The following FBXO11 variants were observed in gnomAD, a reference collection of about 807,000 sequenced individuals.
FBXO11 encodes F-box only protein 11.
FBXO11 carries 13 observed loss-of-function variants against 117.0 expected under a neutral mutation model. The ratio of observed to expected loss-of-function variants is 0.11; its 90% confidence interval spans 0.07 to 0.18. The LOEUF (loss-of-function observed/expected upper bound fraction) is 0.18. Ranked by LOEUF, FBXO11 falls within the 10% of genes least tolerant of loss-of-function variation. The pLI is 1.00. For synonymous variants in FBXO11, 490 were observed against 380.5 expected (o/e 1.29, Z -3.35); for missense variants, 767 against 1,164.4 (o/e 0.66, Z 4.97).
chr2:47,860,410 ATT>A (rs777150310), intron 1 of FBXO11, among the ~76,000 whole-genome samples: 30 of 138,888 alleles, frequency 2.2e-4, no homozygotes, highest in Non-Finnish European at 1.6e-4. Flanking sequence ...TTTACCCTGG[ATT>A]TTTTTTTTTT....
At chr2:47,879,089 A>T (rs1280471556) in intron 1 of FBXO11, among the ~76,000 whole-genome samples, 1 of 152,154 alleles carries the variant, frequency 6.6e-6, no homozygotes, top group African/African-American at 2.4e-5. Context: ...GTGAGTGTAA[A>T]AAAAATATGA....
At position 47,906,331 on chromosome 2, in the gene FBXO11, A is replaced by AAGGGGAAATGAGTGTGAAGGGAGGAGAT; in HGVS notation, c.-639_-612dup. Among the ~76,000 whole-genome samples, 1 of 151,784 alleles carries AAGGGGAAATGAGTGTGAAGGGAGGAGAT rather than the reference A, an allele frequency of 6.6e-6. No homozygotes were observed. Among genetic ancestry groups the AAGGGGAAATGAGTGTGAAGGGAGGAGAT allele is most frequent in the East Asian group, 2.0e-4 (1 of 5,120 alleles). ...TCCTCCCCCCCTTCTCTCCTCGGCG[A>AAGGGGAAATGAGTGTGAAGGGAGGAGAT]AGGGGAAATGAGTGTGAAGGGAGGA... On this transcript the variant is annotated 5_prime_UTR_variant, in exon 1 of 23. Transcript: ENST00000403359.
At chr2:47,831,090 C>T (rs1672148716) in intron 11 of FBXO11, among the ~76,000 whole-genome samples, 1 of 151,730 alleles carries the variant, frequency 6.6e-6, no homozygotes, top group Admixed American at 6.6e-5. Flanking sequence ...TGAGCCACTG[C>T]ACCCGGCCAT....
chr2:47,883,638 C>A, intron 1 of FBXO11: 1 of 313,692 alleles, frequency 3.2e-6, no homozygotes, highest in South Asian at 3.1e-5. Flanking sequence ...CTACAACATT[C>A]AAAAGGAGTC....
chr2:47,824,614 T>A (rs1489350185), intron 11 of FBXO11, among the ~76,000 whole-genome samples: 1 of 152,240 alleles, frequency 6.6e-6, no homozygotes, highest in Non-Finnish European at 1.5e-5. Context: ...AGGTTCATCC[T>A]ACACATGTTA....
intron 1 of FBXO11, among the ~76,000 whole-genome samples, chr2:47,881,985 T>A (rs1251116707): frequency 3.3e-5 from 5 of 152,168 alleles, no homozygotes. Flanking sequence ...TGGCCTCAAG[T>A]GATCTGCCTA....
At chr2:47,905,406 G>T (rs1181726299) in intron 1 of FBXO11, 83 bp downstream of exon 1, 1 of 343,988 alleles carries the variant, frequency 2.9e-6, no homozygotes, top group Non-Finnish European at 3.5e-6. Flanking sequence ...GGCCGCCCCC[G>T]CCCGCCCGCC....
chr2:47,899,057 G>C (rs1005974974), intron 1 of FBXO11, among the ~76,000 whole-genome samples: 1 of 151,874 alleles, frequency 6.6e-6, no homozygotes, highest in Non-Finnish European at 1.5e-5. Flanking sequence ...GGCGGATCAC[G>C]AGGTCAGGAG....
intron 1 of FBXO11, among the ~76,000 whole-genome samples, chr2:47,877,315 T>C (rs1401998530): frequency 6.6e-6 from 1 of 152,146 alleles, no homozygotes; most frequent in Non-Finnish European, 1.5e-5. Context: ...CACTTTAAAA[T>C]TGTTCTATTA....
At chr2:47,819,817 A>G (rs771369672) in intron 14 of FBXO11, among the ~76,000 whole-genome samples, 3 of 152,218 alleles carry the variant, frequency 2.0e-5, no homozygotes, top group Non-Finnish European at 4.4e-5. Context: ...AGAACCATAA[A>G]TGAAAATTAA....
At chr2:47,824,179 C>T (rs1671579974) in intron 11 of FBXO11, among the ~76,000 whole-genome samples, 1 of 152,176 alleles carries the variant, frequency 6.6e-6, no homozygotes, top group African/African-American at 2.4e-5. Flanking sequence ...AATATAAACT[C>T]TGGCTGCCTT....
chr2:47,843,619 A>G (rs1673178498), intron 1 of FBXO11, among the ~76,000 whole-genome samples: 1 of 152,166 alleles, frequency 6.6e-6, no homozygotes, highest in African/African-American at 2.4e-5. Flanking sequence ...TTTCTGCCTT[A>G]CAAATCTATT....
chr2:47,902,860 T>A (rs1319227194), intron 1 of FBXO11, among the ~76,000 whole-genome samples: 1 of 151,812 alleles, frequency 6.6e-6, no homozygotes, highest in Non-Finnish European at 1.5e-5. Flanking sequence ...CACTATTAAG[T>A]AACTCTATCC....
At chr2:47,902,393 T>C (rs559533930) in intron 1 of FBXO11, among the ~76,000 whole-genome samples, 1 of 152,326 alleles carries the variant, frequency 6.6e-6, no homozygotes, top group South Asian at 2.1e-4. Flanking sequence ...AATATTTCCT[T>C]ACGTGGGGTG....
At position 47,807,209 on chromosome 2, in the gene FBXO11, A is replaced by G. The variant is rs773118450; in HGVS notation, c.*909T>C. 5.4e-5 allele frequency: 14 copies of G among 256,980 alleles called. No homozygotes were observed. Among genetic ancestry groups the G allele is most frequent in the African/African-American group, 1.3e-4 (6 of 45,254 alleles). 15.9% of individuals were successfully genotyped at this position (256,980 alleles called of 1,614,324 possible). A position where few individuals can be genotyped will look rare whatever the true frequency, so the allele number is the denominator to read the frequency against. ...GGTTTAATTTCCAGCAGTTTTGTCTAAACTGTTCAAAAAAAAACTATGAAC... is the reference window on the plus strand; with the variant it reads ...GGTTTAATTTCCAGCAGTTTTGTCTGAACTGTTCAAAAAAAAACTATGAAC... On this transcript the variant is annotated 3_prime_UTR_variant, in exon 23 of 23. Coordinates refer to ENST00000403359, the MANE Select transcript of FBXO11 (RefSeq NM_001190274.2).
chr2:47,823,126 T>C lies in FBXO11; in HGVS notation c.1616+17A>G, dbSNP rs778608657. On this transcript the variant is annotated intron_variant, in intron 12 of 22. Coordinates refer to ENST00000403359, the MANE Select transcript of FBXO11 (RefSeq NM_001190274.2). The stretch of plus-strand genomic sequence containing the variant: ...GAAGTGAAAAAGTAATTTTCACCCA[T>C]AATTATATGTAAATACCTTATTGTT... 3.9e-6 allele frequency: 6 copies of C among 1,557,626 alleles called. No individual in the cohort carries two copies. The South Asian group carries it at 4.7e-5, about 12-fold the overall frequency.
intron 13 of FBXO11, among the ~76,000 whole-genome samples, chr2:47,820,971 A>G (rs542764415): frequency 2.0e-5 from 3 of 152,220 alleles, no homozygotes; most frequent in Non-Finnish European, 4.4e-5. Context: ...TGCTGATTTA[A>G]TGTTCCTAAA....
intron 1 of FBXO11, 48 bp downstream of exon 1, chr2:47,905,441 C>T: frequency 8.3e-7 from 1 of 1,198,306 alleles, no homozygotes; most frequent in Non-Finnish European, 1.0e-6. Flanking sequence ...GGCCTCCCTT[C>T]CCGCGGTGCC....
intron 1 of FBXO11, among the ~76,000 whole-genome samples, chr2:47,887,852 G>C (rs1242559643): frequency 6.6e-6 from 1 of 151,966 alleles, no homozygotes; most frequent in African/African-American, 2.4e-5. Flanking sequence ...CTGAGATTCT[G>C]TCTCAAAAAA....
Sources: allele counts gnomAD v4.1 joint callset (sites outside exome capture counted in the v4.1 genomes callset), GRCh38; gene constraint gnomAD v4.1.1; transcripts MANE v1.5; gene names NCBI Gene and HGNC (gene_info 2026-07-23, HGNC 2026-07-21).